Variants in MAF observed in about 807,000 individuals in gnomAD.
MAF encodes transcription factor Maf.
MAF carries 10 observed loss-of-function variants against 22.0 expected under a neutral mutation model. That is an observed-to-expected ratio of 0.45 (90% CI 0.28 to 0.77). MAF has a LOEUF of 0.77. Ranked by LOEUF, MAF falls within the 30% of genes least tolerant of loss-of-function variation. The pLI, the probability that MAF is intolerant of heterozygous loss-of-function variation, is 0.12. For missense variants in MAF, 544 were observed against 548.4 expected (o/e 0.99, Z 0.08); for synonymous variants, 337 against 255.8 (o/e 1.32, Z -3.03).
At chr16:79,301,696 C>T in the MAF span, among the ~76,000 whole-genome samples, 1,500 of 152,162 alleles carry the variant, frequency 9.9e-3, 10 homozygotes, top group Admixed American at 0.013. Flanking sequence ...ATATGTTGTA[C>T]GTGTGTATAA....
At chr16:79,391,203 A>C in the MAF span, among the ~76,000 whole-genome samples, 1 of 152,250 alleles carries the variant, frequency 6.6e-6, no homozygotes. Flanking sequence ...AAATTGTTCA[A>C]CCTCTGCACC....
At chr16:79,301,204 T>G in the MAF span, among the ~76,000 whole-genome samples, 1 of 152,068 alleles carries the variant, frequency 6.6e-6, no homozygotes, top group Non-Finnish European at 1.5e-5. Flanking sequence ...CCTAACTGCA[T>G]GAAGGACACC....
the MAF span, among the ~76,000 whole-genome samples, chr16:79,278,925 C>A: frequency 6.6e-6 from 1 of 151,890 alleles, no homozygotes; most frequent in Admixed American, 6.6e-5. Flanking sequence ...GGGAATGGGG[C>A]CATGGAAAAG....
chr16:79,302,407 G>A, the MAF span, among the ~76,000 whole-genome samples: 1 of 152,152 alleles, frequency 6.6e-6, no homozygotes, highest in Admixed American at 6.5e-5. Context: ...GTGTGAAAAC[G>A]ACTCTTTTCT....
At chr16:79,563,328 T>C in the MAF span, among the ~76,000 whole-genome samples, 1 of 152,226 alleles carries the variant, frequency 6.6e-6, no homozygotes, top group Non-Finnish European at 1.5e-5. Flanking sequence ...AACTAAATTA[T>C]TAATTTTGTT....
the MAF span, among the ~76,000 whole-genome samples, chr16:79,560,221 G>A: frequency 6.6e-6 from 1 of 152,086 alleles, no homozygotes; most frequent in South Asian, 2.1e-4. Context: ...ACTGTACCTG[G>A]CCACCAACAG....
the MAF span, among the ~76,000 whole-genome samples, chr16:79,570,472 T>G: frequency 5.7e-4 from 87 of 152,310 alleles, no homozygotes; most frequent in Non-Finnish European, 9.3e-4. Context: ...TCCAAGATCT[T>G]TCTTTGACAT....
the MAF span, among the ~76,000 whole-genome samples, chr16:79,436,857 C>G: frequency 1.3e-5 from 2 of 152,232 alleles, no homozygotes; most frequent in Non-Finnish European, 2.9e-5. Flanking sequence ...AGAGTCTGCA[C>G]ACACAGGCTC....
the MAF span, among the ~76,000 whole-genome samples, chr16:79,349,039 T>C: frequency 6.6e-6 from 1 of 152,332 alleles, no homozygotes; most frequent in East Asian, 1.9e-4. Context: ...ATTGGCTGTA[T>C]CTGCAGCAAA....
the MAF span, among the ~76,000 whole-genome samples, chr16:79,363,225 A>C: frequency 6.6e-6 from 1 of 152,222 alleles, no homozygotes; most frequent in Non-Finnish European, 1.5e-5. Flanking sequence ...CCCTGCTCTT[A>C]AGGATCGCTC....
chr16:79,299,566 C>T, the MAF span, among the ~76,000 whole-genome samples: 7 of 152,120 alleles, frequency 4.6e-5, no homozygotes, highest in East Asian at 3.9e-4. Context: ...GAGTTATTTC[C>T]GGTGGGTCTG....
chr16:79,496,052 G>A, the MAF span, among the ~76,000 whole-genome samples: 2 of 152,268 alleles, frequency 1.3e-5, no homozygotes, highest in Middle Eastern at 3.4e-3. Flanking sequence ...TTGCAGCCTT[G>A]TGCGAGACCC....
the MAF span, among the ~76,000 whole-genome samples, chr16:79,210,130 C>T: frequency 3.9e-5 from 6 of 152,176 alleles, no homozygotes; most frequent in African/African-American, 1.4e-4. Flanking sequence ...GTCTCACTCA[C>T]GGTCCACACC....
chr16:79,395,096 C>T, the MAF span, among the ~76,000 whole-genome samples: 29 of 152,302 alleles, frequency 1.9e-4, no homozygotes, highest in Non-Finnish European at 3.1e-4. Context: ...GCGGAGAGAA[C>T]GCAAGAGCCA....
At chr16:79,397,617 G>A in the MAF span, among the ~76,000 whole-genome samples, 1 of 152,220 alleles carries the variant, frequency 6.6e-6, no homozygotes, top group Non-Finnish European at 1.5e-5. Flanking sequence ...TTGCATAGAT[G>A]ATGGACCATC....
the MAF span, among the ~76,000 whole-genome samples, chr16:79,312,312 A>G: frequency 2.0e-5 from 3 of 152,364 alleles, no homozygotes; most frequent in Admixed American, 1.3e-4. Context: ...AAACAGACCT[A>G]ATTGCACCCA....
chr16:79,432,727 T>G, the MAF span, among the ~76,000 whole-genome samples: 1 of 151,962 alleles, frequency 6.6e-6, no homozygotes, highest in Non-Finnish European at 1.5e-5. Flanking sequence ...TCATAAAAAG[T>G]GAAAATTTGG....
At chr16:79,586,910 C>T (rs935341499) in intron 1 of MAF, among the ~76,000 whole-genome samples, 3 of 152,172 alleles carry the variant, frequency 2.0e-5, no homozygotes, top group African/African-American at 7.2e-5. Context: ...ATTCTTTTTC[C>T]AACATGGATA....
chr16:79,591,038 C>T (rs1167759056), downstream of MAF, among the ~76,000 whole-genome samples: 1 of 152,138 alleles, frequency 6.6e-6, no homozygotes, highest in Non-Finnish European at 1.5e-5. Flanking sequence ...GTTCCCTTTA[C>T]AACAATCCTT....
Sources: allele counts gnomAD v4.1 joint callset (sites outside exome capture counted in the v4.1 genomes callset), GRCh38; gene constraint gnomAD v4.1.1; transcripts MANE v1.5; gene names NCBI Gene and HGNC (gene_info 2026-07-23, HGNC 2026-07-21).